The following SFSWAP variants were observed in gnomAD, a reference collection of about 807,000 sequenced individuals.
SFSWAP encodes splicing factor, suppressor of white-apricot homolog.
Under a neutral mutation model 100.7 loss-of-function variants are expected in SFSWAP, and 17 were observed. That is an observed-to-expected ratio of 0.17 (90% CI 0.12 to 0.25). The LOEUF is 0.25. Ranked by LOEUF, SFSWAP falls within the 10% of genes least tolerant of loss-of-function variation. The pLI is 1.00. For missense variants in SFSWAP, 1,005 were observed against 1,262.6 expected (o/e 0.80, Z 3.09); for synonymous variants, 504 against 510.1 (o/e 0.99, Z 0.16).
chr12:131,719,842 C>T (rs1047697411), intron 4 of SFSWAP, among the ~76,000 whole-genome samples: 1 of 152,138 alleles, frequency 6.6e-6, no homozygotes, highest in South Asian at 2.1e-4. Flanking sequence ...GGATCAGTGG[C>T]GAGTGGGCTG....
At position 131,786,449 on chromosome 12, in the gene SFSWAP, C is replaced by T. The variant is rs987219329; in HGVS notation, c.2409-14C>T. ...CAGGCCACAGAGCTGAACACTGCCT[C>T]CTCCCCTGTCCAGGTCCCGCTCCCG... is the stretch of plus-strand genomic sequence containing the variant. On this transcript the variant is annotated splice_polypyrimidine_tract_variant and intron_variant, in intron 14 of 17. Coordinates refer to ENST00000261674, the MANE Select transcript of SFSWAP (RefSeq NM_004592.4). 6.3e-6 allele frequency: 10 copies of T among 1,582,922 alleles called. No individual in the cohort carries two copies. The Admixed American group carries it at 1.4e-4, about 23-fold the overall frequency.
chr12:131,745,892 C>T (rs771813147), intron 7 of SFSWAP, among the ~76,000 whole-genome samples: 4 of 152,140 alleles, frequency 2.6e-5, no homozygotes, highest in Non-Finnish European at 5.9e-5. Context: ...CTCTTGGCAG[C>T]GGGTCAGGCT....
At position 131,778,120 on chromosome 12, in the gene SFSWAP, T is replaced by G; in HGVS notation, c.2198T>G (p.Leu733Ter). ...ACTGGAGGCAGGCCTCTGCCTACTT[T>G]AGAAGTTAAACCACCCGATAGGCCT... is the stretch of plus-strand genomic sequence containing the variant. ...LLTGGRPLPT[L>*]EVKPPDRPSS... The change falls in exon 14 of 18, where the codon TTA becomes TGA. Residue 733 changes from leucine to a stop codon, truncating the protein, a stop_gained. Transcript: ENST00000261674. LOFTEE classifies it high-confidence loss of function. This position sits in a 1 kb window ranked among gnomAD's most constrained non-coding sequence, Gnocchi z 4.2. The G allele has an allele frequency of 6.2e-7, 1 of 1,614,002 alleles. No homozygotes were observed. Among genetic ancestry groups the G allele is most frequent in the South Asian group, 1.1e-5 (1 of 91,078 alleles).
At chr12:131,775,382 G>A (rs148127307) in intron 13 of SFSWAP, among the ~76,000 whole-genome samples, 11 of 152,310 alleles carry the variant, frequency 7.2e-5, no homozygotes, top group Non-Finnish European at 1.2e-4. Context: ...ACAGGTGCCC[G>A]TGTTGAGGTT....
intron 7 of SFSWAP, 89 bp downstream of exon 7, chr12:131,728,517 T>C: frequency 1.4e-6 from 2 of 1,418,242 alleles, no homozygotes; most frequent in South Asian, 1.3e-5. Context: ...TGTTCTGTCC[T>C]CCAAGTGTAA....
chr12:131,789,044 A>C (rs1183809544), intron 15 of SFSWAP, among the ~76,000 whole-genome samples: 2 of 151,728 alleles, frequency 1.3e-5, no homozygotes, highest in Non-Finnish European at 2.9e-5. Flanking sequence ...GCAGTGGCAC[A>C]ATCTCAGCTC....
chr12:131,737,517 C>T (rs1442803878), intron 7 of SFSWAP, among the ~76,000 whole-genome samples: 1 of 152,140 alleles, frequency 6.6e-6, no homozygotes, highest in Non-Finnish European at 1.5e-5. Flanking sequence ...TTTAATAATA[C>T]GTGCTTTTAT....
intron 16 of SFSWAP, 43 bp downstream of exon 16, chr12:131,797,403 G>A (rs1490918437): frequency 6.5e-7 from 1 of 1,548,012 alleles, no homozygotes; most frequent in East Asian, 2.3e-5. Flanking sequence ...GAAAGGCAAG[G>A]GGCGGCCAGC....
rs769003469 is a variant in SFSWAP at position 131,756,667 on chromosome 12, G to C, written c.1720+23G>C. On this transcript the variant is annotated intron_variant, in intron 11 of 17. Transcript: ENST00000261674. ...AAGGTATGCTGCCACTTGCATGTTGGCCTTGCACATTCCACCATAAGTTGG... is the reference window on the plus strand; with the variant it reads ...AAGGTATGCTGCCACTTGCATGTTGCCCTTGCACATTCCACCATAAGTTGG... The C allele has an allele frequency of 6.4e-6, 10 of 1,553,684 alleles. No individual in the cohort carries two copies. The East Asian group carries it at 1.8e-4, about 28-fold the overall frequency.
In SFSWAP at chr12:131,785,392, A is replaced by G. The variant is rs1001926418; in HGVS notation, c.2409-1071A>G. Reference sequence around the variant, plus strand: ...GATCTGCAGAAGCACAGCCTGTGGCATTTGCGGTTTATTGTCATGAAAATG... The same window carrying G: ...GATCTGCAGAAGCACAGCCTGTGGCGTTTGCGGTTTATTGTCATGAAAATG... On this transcript the variant is annotated intron_variant, in intron 14 of 17. Transcript: ENST00000261674. 48 of 555,826 alleles carry G rather than the reference A, an allele frequency of 8.6e-5. No homozygotes were observed. In the African/African-American group the frequency reaches 8.7e-4, roughly 10 times the overall value. The allele number at this position is 555,826 out of a possible 1,614,324, so 34.4% of individuals were successfully genotyped here.
chr12:131,737,472 C>A (rs904568709), intron 7 of SFSWAP, among the ~76,000 whole-genome samples: 2 of 152,178 alleles, frequency 1.3e-5, no homozygotes, highest in Admixed American at 6.5e-5. Flanking sequence ...TGAGACTAAA[C>A]TGGTATCCTG....
intron 7 of SFSWAP, among the ~76,000 whole-genome samples, chr12:131,736,708 T>G (rs933199312): frequency 1.3e-5 from 2 of 152,182 alleles, no homozygotes; most frequent in African/African-American, 4.8e-5. Context: ...TACAGAACAC[T>G]GTGCAGGTCT....
In SFSWAP at chr12:131,728,420, C is replaced by T. The variant is rs1296866923; in HGVS notation, c.1073C>T (p.Thr358Met). Residue 358 changes from threonine to methionine, a missense_variant, in exon 7 of 18, where the codon ACG (threonine) becomes ATG (methionine). Physicochemically the swap from Thr to Met is moderately conservative, Grantham distance 81 (BLOSUM62 -1). This residue lies in a region of SFSWAP where 311 missense variants were observed against 317.8 expected (regional missense o/e 0.98). Transcript: ENST00000261674. ...GTGCAGCCCTCCCAGGTGGAGTACA[C>T]GGCAGACTGTGAGTACTCACTGTGT... is the stretch of plus-strand genomic sequence containing the variant. ...APVQPSQVEY[T>M]ADSTVAAMYY... 9 of 1,614,132 alleles carry T rather than the reference C, an allele frequency of 5.6e-6. No homozygotes were observed. The highest frequency in any genetic ancestry group is 1.3e-5 in the African/African-American group (1 of 75,058).
At chr12:131,795,910 G>A (rs1180315735) in intron 15 of SFSWAP, among the ~76,000 whole-genome samples, 4 of 148,298 alleles carry the variant, frequency 2.7e-5, no homozygotes, top group African/African-American at 9.9e-5. Context: ...TGCAGCAGAG[G>A]GCCCCGCAGC....
chr12:131,763,620 G>A (rs1882856011), intron 11 of SFSWAP, among the ~76,000 whole-genome samples: 1 of 152,152 alleles, frequency 6.6e-6, no homozygotes, highest in Non-Finnish European at 1.5e-5. Context: ...TCTTACAGGT[G>A]TGGAAAATGG....
At chr12:131,732,269 T>A (rs964780331) in intron 7 of SFSWAP, among the ~76,000 whole-genome samples, 1 of 152,176 alleles carries the variant, frequency 6.6e-6, no homozygotes, top group Non-Finnish European at 1.5e-5. Flanking sequence ...AACTGTAACG[T>A]TTGCAATGCC....
At chr12:131,766,054 A>G (rs879093884) in intron 12 of SFSWAP, 64 bp from the exon 13 acceptor site, 10 of 1,506,126 alleles carry the variant, frequency 6.6e-6, no homozygotes, top group Middle Eastern at 3.8e-4. Flanking sequence ...AACCTGTGAA[A>G]ATTAAGATCA....
intron 15 of SFSWAP, among the ~76,000 whole-genome samples, chr12:131,787,118 G>A (rs116363359): frequency 0.016 from 2,426 of 152,270 alleles, 68 homozygotes; most frequent in African/African-American, 0.052. Flanking sequence ...AGCCTGTCTT[G>A]GTTGGAGCAG....
intron 15 of SFSWAP, among the ~76,000 whole-genome samples, chr12:131,795,841 T>C (rs940967395): frequency 6.6e-6 from 1 of 150,424 alleles, no homozygotes; most frequent in African/African-American, 2.4e-5. Flanking sequence ...CATTGAGCAG[T>C]TTGGGTCCAC....
Sources: gnomAD v4.1 joint callset for allele counts (sites outside exome capture counted in the v4.1 genomes callset) on GRCh38, gnomAD v4.1.1 for gene constraint, gnomAD v4.1.1 regional missense constraint, Gnocchi (gnomAD v3.1) non-coding constraint, MANE v1.5 for transcripts, NCBI Gene and HGNC (gene_info 2026-07-23, HGNC 2026-07-21) for gene names.